Variants in FHDC1 observed in about 807,000 individuals in gnomAD.
FHDC1 encodes the protein FH2 domain-containing protein 1.
FHDC1 carries 25 observed loss-of-function variants against 52.6 expected under a neutral mutation model. That is an observed-to-expected ratio of 0.48 (90% confidence interval 0.35 to 0.66). The LOEUF (loss-of-function observed/expected upper bound fraction) is 0.66, where lower values mean the gene tolerates loss of function less well. FHDC1 is among the 30% of genes least tolerant of loss of function. The pLI, the probability that FHDC1 is intolerant of heterozygous loss-of-function variation, is 0.01. For missense variants in FHDC1, 1,459 were observed against 1,452.8 expected, an observed-to-expected ratio of 1.00 and a Z score of -0.07; for synonymous variants, 616 against 581.5, an observed-to-expected ratio of 1.06 and a Z score of -0.85.
At chr4:152,953,853 A>T (rs1368814124) in intron 3 of FHDC1, among the ~76,000 whole-genome samples, 8 of 152,246 alleles carry the variant, frequency 5.3e-5, no homozygotes, top group Non-Finnish European at 1.0e-4. Context: ...GGTTGGACTG[A>T]TGAGTCAAAT....
the FHDC1 span, among the ~76,000 whole-genome samples, chr4:152,919,675 C>A: frequency 6.6e-6 from 1 of 152,174 alleles, no homozygotes; most frequent in Admixed American, 6.5e-5. Context: ...CAGAATTCAT[C>A]TGAAGCTTCT....
chr4:152,937,641 C>T (rs1031917873), intron 1 of FHDC1, among the ~76,000 whole-genome samples: 1 of 151,646 alleles, frequency 6.6e-6, no homozygotes, highest in African/African-American at 2.4e-5. Context: ...CCCGCAGTCC[C>T]CGCCCCGCAG....
At chr4:152,949,124 T>TAATAATAATAATAATAAG (rs1347590282) in intron 2 of FHDC1, among the ~76,000 whole-genome samples, 9 of 74,702 alleles carry the variant, frequency 1.2e-4, no homozygotes, top group Admixed American at 3.6e-4. Context: ...ATAATAATAA[T>TAATAATAATAATAATAAG]AAGAAGAAGA....
At chr4:152,957,328 A>G (rs867322) in intron 4 of FHDC1, among the ~76,000 whole-genome samples, 64,383 of 152,034 alleles carry the variant, frequency 0.42, 14,037 homozygotes, top group South Asian at 0.58. Context: ...TAAAAAAATC[A>G]ATCATAGCTA....
In FHDC1 at chr4:152,976,405, CA is replaced by C; in HGVS notation, c.3115del (p.Thr1039GlnfsTer9). On this transcript the variant is annotated frameshift_variant, in exon 12 of 12. Transcript: ENST00000511601. LOFTEE classifies it low-confidence loss of function (END_TRUNC). ...LPRVPSFARN[T>X]VASSSRSMRT... ...CCCGTGTCCCGAGCTTTGCCCGGAA[CA>C]CAGTGGCCTCCTCCTCTCGAAGCAT... 5 of 1,613,820 alleles carry C rather than the reference CA, an allele frequency of 3.1e-6. No individual in the cohort carries two copies. Among genetic ancestry groups the C allele is most frequent in the Non-Finnish European group, 4.2e-6 (5 of 1,180,036 alleles).
the FHDC1 span, among the ~76,000 whole-genome samples, chr4:152,928,516 G>A: frequency 9.9e-5 from 15 of 152,264 alleles, no homozygotes; most frequent in South Asian, 2.1e-4. Context: ...AATAGGCACC[G>A]GTCGACTTGC....
the FHDC1 span, among the ~76,000 whole-genome samples, chr4:152,918,845 A>C: frequency 6.6e-6 from 1 of 152,256 alleles, no homozygotes; most frequent in East Asian, 1.9e-4. Flanking sequence ...ACTATCAAGT[A>C]GATTATTTTT....
Position 152,976,564 on chromosome 4 carries a change from TG to T in FHDC1, c.3274del (p.Ala1092ProfsTer22), listed in dbSNP as rs747686042. The part of the protein sequence containing the change: ...DSSTLRRASS[A>X]RAPKKRPESA... Reference sequence around the variant, plus strand: ...GCAGCACTTTGAGGCGAGCCAGCAGTGCCCGGGCCCCCAAGAAGCGCCCAGA... The same window carrying T: ...GCAGCACTTTGAGGCGAGCCAGCAGTCCCGGGCCCCCAAGAAGCGCCCAGA... On this transcript the variant is annotated frameshift_variant, in exon 12 of 12. Transcript: ENST00000511601. LOFTEE classifies it low-confidence loss of function (END_TRUNC). 1.9e-6 allele frequency: 3 copies of T among 1,612,676 alleles called. No individual in the cohort carries two copies. In the South Asian group the frequency reaches 3.3e-5, roughly 18 times the overall value.
the FHDC1 span, chr4:152,928,103 G>T: frequency 8.6e-7 from 1 of 1,165,028 alleles, no homozygotes; most frequent in Non-Finnish European, 1.3e-6. Flanking sequence ...CACCTACTCT[G>T]GGAGCAGCAA....
At chr4:152,956,801 G>A (rs1310005905) in intron 4 of FHDC1, among the ~76,000 whole-genome samples, 1 of 152,130 alleles carries the variant, frequency 6.6e-6, no homozygotes, top group Non-Finnish European at 1.5e-5. Flanking sequence ...GTCACACTTC[G>A]CCTCCTTGTT....
Position 152,954,204 on chromosome 4 carries a change from T to C in FHDC1, c.561-13T>C, listed in dbSNP as rs765086352. 2.4e-5 allele frequency: 39 copies of C among 1,607,172 alleles called. No homozygotes were observed. The highest frequency in any genetic ancestry group is 3.2e-5 in the Non-Finnish European group (38 of 1,174,062). ...CAAACGTGAAATGGAATGTGATTCATTGTCTTTTCAAGGTCTCCTCGGTCC... is the reference window on the plus strand; with the variant it reads ...CAAACGTGAAATGGAATGTGATTCACTGTCTTTTCAAGGTCTCCTCGGTCC... On this transcript the variant is annotated splice_polypyrimidine_tract_variant and intron_variant, in intron 3 of 11. Coordinates refer to ENST00000511601, the MANE Select transcript of FHDC1 (RefSeq NM_001371116.1).
rs535197075 is a variant in FHDC1, at chr4:152,955,251, G to A, written c.663+932G>A. On this transcript the variant is annotated intron_variant, in intron 4 of 11. Transcript: ENST00000511601. ...GTAATACATACTACCATGATATAAA[G>A]TTATTTATTTTGCTTGGACTGAATG... Among the ~76,000 whole-genome samples the A allele has an allele frequency of 1.7e-3, 258 of 152,088 alleles. 2 individuals carry two copies. Among genetic ancestry groups the A allele is most frequent in the South Asian group, 6.6e-3 (32 of 4,816 alleles).
chr4:152,942,977 T>C lies in FHDC1; in HGVS notation c.-81T>C. 2.0e-6 allele frequency: 3 copies of C among 1,488,538 alleles called. No homozygotes were observed. Among genetic ancestry groups the C allele is most frequent in the South Asian group, 2.6e-5 (2 of 75,484 alleles). The allele number at this position is 1,488,538 out of a possible 1,614,324, so 92.2% of individuals were successfully genotyped here. A position where few individuals can be genotyped will look rare whatever the true frequency, so the allele number is the denominator to read the frequency against. On this transcript the variant is annotated 5_prime_UTR_variant, in exon 2 of 12. Transcript: ENST00000511601. ...TATTCTGGCGGCAGATAGCAGCAGG[T>C]GAAAAAGTGCTACACAAGTTTGATG...
chr4:152,944,694 C>T (rs1236312400), intron 2 of FHDC1, among the ~76,000 whole-genome samples: 2 of 152,150 alleles, frequency 1.3e-5, no homozygotes, highest in Admixed American at 1.3e-4. Flanking sequence ...TTATGAAATG[C>T]AGAAAACACT....
At chr4:152,951,461 C>T (rs1739924523) in intron 2 of FHDC1, among the ~76,000 whole-genome samples, 1 of 151,992 alleles carries the variant, frequency 6.6e-6, no homozygotes, top group Non-Finnish European at 1.5e-5. Flanking sequence ...TACCTTATGG[C>T]TGGCAGGTGA....
chr4:152,936,494 G>T (rs1315334211), intron 1 of FHDC1, 85 bp downstream of exon 1: 1 of 152,306 alleles, frequency 6.6e-6, no homozygotes, highest in East Asian at 1.9e-4. Flanking sequence ...GGAGGGTCAG[G>T]GTTGGGGTGT....
intron 9 of FHDC1, among the ~76,000 whole-genome samples, chr4:152,966,665 C>T (rs144811286): frequency 0.065 from 9,849 of 152,138 alleles, 340 homozygotes; most frequent in Non-Finnish European, 0.082. Flanking sequence ...TTTCACCATA[C>T]TGGCCAGGCT....
chr4:152,974,622 G>A, intron 11 of FHDC1, 53 bp from the exon 12 acceptor site: 1 of 1,494,342 alleles, frequency 6.7e-7, no homozygotes, highest in Non-Finnish European at 8.9e-7. Context: ...CTCTGGAACT[G>A]CACATTGGTC....
intron 9 of FHDC1, among the ~76,000 whole-genome samples, chr4:152,966,323 T>G (rs1740455024): frequency 6.6e-6 from 1 of 152,180 alleles, no homozygotes; most frequent in African/African-American, 2.4e-5. Flanking sequence ...CCAGTGAAGG[T>G]GGAAAACTTT....
Sources: gnomAD v4.1 joint callset for allele counts (sites outside exome capture counted in the v4.1 genomes callset) on GRCh38, gnomAD v4.1.1 for gene constraint, MANE v1.5 for transcripts, NCBI Gene and HGNC (gene_info 2026-07-23, HGNC 2026-07-21) for gene names.